The following PRRC2C variants were observed in gnomAD, a reference collection of about 807,000 sequenced individuals.
The protein encoded by PRRC2C is proline rich coiled-coil 2C.
In PRRC2C, 72 loss-of-function variants were observed where a neutral mutation model predicts 317.2. The observed-to-expected ratio is 0.23, with a 90% CI of 0.19 to 0.28. PRRC2C has a LOEUF of 0.28. Among genes scored for constraint, PRRC2C ranks in the 10% least tolerant of loss-of-function variants. The pLI is 1.00. For missense variants in PRRC2C, 3,074 were observed against 3,459.7 expected (o/e 0.89, Z 2.80); for synonymous variants, 1,296 against 1,205.9 (o/e 1.07, Z -1.55).
chr1:171,536,256 G>T lies in PRRC2C; in HGVS notation c.2271G>T (p.Met757Ile). The change falls in exon 14 of 35, where the codon ATG (methionine) becomes ATT (isoleucine). Residue 757 changes from methionine to isoleucine, a missense_variant. Transcript: ENST00000647382. ...GAATGATGTCAGGAAGACCTGCTAT[G>T]GATATTCCACCCATTCATCCTGGTC... ...DPRMMSGRPA[M>I]DIPPIHPGMI... The T allele has an allele frequency of 6.2e-7, 1 of 1,613,674 alleles. No individual in the cohort carries two copies. Among genetic ancestry groups the T allele is most frequent in the South Asian group, 1.1e-5 (1 of 90,950 alleles).
rs185285171 is a variant in PRRC2C, at chr1:171,512,903, G to T, written c.113-92G>T. On this transcript the variant is annotated intron_variant, in intron 2 of 34. Coordinates refer to ENST00000647382, the MANE Select transcript of PRRC2C (RefSeq NM_001387844.1). ...CATGAATGAAAATCATTCAGGGATT[G>T]CATTAATTCCTATTGTTTTTCTATA... 1.7e-5 allele frequency: 19 copies of T among 1,131,516 alleles called. No individual in the cohort carries two copies. In the Admixed American group the frequency reaches 3.4e-4, roughly 20 times the overall value. The allele number at this position is 1,131,516 out of a possible 1,614,324, so 70.1% of individuals were successfully genotyped here. A position where few individuals can be genotyped will look rare whatever the true frequency, so the allele number is the denominator to read the frequency against.
intron 10 of PRRC2C, among the ~76,000 whole-genome samples, chr1:171,526,029 G>A (rs1006752720): frequency 1.3e-5 from 2 of 152,052 alleles, no homozygotes; most frequent in African/African-American, 4.8e-5. Flanking sequence ...TAACTTTTTT[G>A]TGTGACTTTT....
rs780836726 is a variant in PRRC2C at position 171,566,825 on chromosome 1, A to T, written c.6540A>T (p.Glu2180Asp). ...CAATGATCTCGGTATCATCTGCAGAATATGGTACTAATGCAAAGGTAAGCC... is the reference window on the plus strand; with the variant it reads ...CAATGATCTCGGTATCATCTGCAGATTATGGTACTAATGCAAAGGTAAGCC... ...IGTMISVSSA[E>D]YGTNAKESVT... The change falls in exon 22 of 35, where the codon GAA (glutamate) becomes GAT (aspartate). Residue 2180 changes from glutamate to aspartate, a missense_variant. Glu to Asp is a conservative substitution (Grantham distance 45, BLOSUM62 2). This residue lies in a region of PRRC2C where 640 missense variants were observed against 676.1 expected (regional missense o/e 0.95). Coordinates refer to ENST00000647382, the MANE Select transcript of PRRC2C (RefSeq NM_001387844.1). 3.1e-6 allele frequency: 5 copies of T among 1,613,238 alleles called. No homozygotes were observed. In the Admixed American group the frequency reaches 6.7e-5, roughly 22 times the overall value.
At chr1:171,572,540 A>G (rs576837044) in intron 24 of PRRC2C, among the ~76,000 whole-genome samples, 1 of 152,128 alleles carries the variant, frequency 6.6e-6, no homozygotes, top group Non-Finnish European at 1.5e-5. Context: ...AGGCTTAACA[A>G]ATATAAGTTT....
chr1:171,518,840 A>G (rs1279099120), intron 6 of PRRC2C, among the ~76,000 whole-genome samples: 1 of 151,048 alleles, frequency 6.6e-6, no homozygotes, highest in Non-Finnish European at 1.5e-5. Context: ...AAACATGTAC[A>G]AAAATAAAGA....
In PRRC2C at chr1:171,577,771, A is replaced by ATTT. The variant is rs1553245738; in HGVS notation, c.7159+156_7159+158dup. 182 of 299,630 alleles carry ATTT rather than the reference A, an allele frequency of 6.1e-4. 1 individual carries two copies. Among genetic ancestry groups the ATTT allele is most frequent in the African/African-American group, 3.0e-3 (47 of 15,528 alleles). The allele number at this position is 299,630 out of a possible 1,614,324, so 18.6% of individuals were successfully genotyped here. A position where few individuals can be genotyped will look rare whatever the true frequency, so the allele number is the denominator to read the frequency against. On this transcript the variant is annotated intron_variant, in intron 26 of 34. Coordinates refer to ENST00000647382, the MANE Select transcript of PRRC2C (RefSeq NM_001387844.1). Reference sequence around the variant, plus strand: ...CATTGCTGTAAATATTTAAATTCGCATTTTTTTTTTTTTTTTTTTTTTTTG... The same window carrying ATTT: ...CATTGCTGTAAATATTTAAATTCGCATTTTTTTTTTTTTTTTTTTTTTTTTTTG...
At chr1:171,533,628 G>A (rs1362407671) in intron 12 of PRRC2C, among the ~76,000 whole-genome samples, 1 of 151,994 alleles carries the variant, frequency 6.6e-6, no homozygotes, top group Admixed American at 6.6e-5. Context: ...GGTGGTGGTG[G>A]TTGTTGTTGT....
rs771781896 is a variant in PRRC2C, at chr1:171,545,638, A to G, written c.4923A>G (p.Pro1641=). Residue 1641 remains proline (P), a synonymous_variant, in exon 17 of 35, where the codon CCA becomes CCG. Coordinates refer to ENST00000647382, the MANE Select transcript of PRRC2C (RefSeq NM_001387844.1). ...REDPKPGPKK[P]KEKVDALSQF... ...ACCCCAAACCAGGCCCTAAAAAACC[A>G]AAAGAGAAAGTGGATGCTCTATCAC... 14 of 1,613,356 alleles carry G rather than the reference A, an allele frequency of 8.7e-6. No homozygotes were observed. The highest frequency in any genetic ancestry group is 1.2e-5 in the Non-Finnish European group (14 of 1,179,564).
At chr1:171,518,973 C>T (rs1673036134) in intron 6 of PRRC2C, among the ~76,000 whole-genome samples, 1 of 151,380 alleles carries the variant, frequency 6.6e-6, no homozygotes, top group Non-Finnish European at 1.5e-5. Flanking sequence ...ACCTCTGCCT[C>T]CTAGGTTCAA....
chr1:171,529,340 A>G (rs187306126), intron 11 of PRRC2C, among the ~76,000 whole-genome samples: 1 of 152,268 alleles, frequency 6.6e-6, no homozygotes, highest in African/African-American at 2.4e-5. Flanking sequence ...CAATCAACTC[A>G]ACATCTCCAC....
At chr1:171,557,118 G>T in intron 18 of PRRC2C, 122 bp from the exon 19 acceptor site, 1 of 1,438,614 alleles carries the variant, frequency 7.0e-7, no homozygotes, top group Non-Finnish European at 9.1e-7. Context: ...ACATTTTGTG[G>T]TTTGAGTACC....
chr1:171,568,360 G>T (rs750564178), intron 23 of PRRC2C, 21 bp downstream of exon 23: 2 of 1,579,482 alleles, frequency 1.3e-6, no homozygotes, highest in South Asian at 1.2e-5. Flanking sequence ...AGTTTGAGAT[G>T]TGGCAAGTTT....
rs369655089 is a variant in PRRC2C, at chr1:171,566,307, T to G, written c.6192T>G (p.Asn2064Lys). The change falls in exon 21 of 35, where the codon AAT becomes AAG. Residue 2064 changes from asparagine (N) to lysine (K), a missense_variant. Physicochemically the swap from Asn to Lys is moderately conservative, Grantham distance 94. Coordinates refer to ENST00000647382, the MANE Select transcript of PRRC2C (RefSeq NM_001387844.1). ...DTIQFGAPASNGNENEVVPVL... is the reference protein window; with the variant it reads ...DTIQFGAPASKGNENEVVPVL... Reference sequence around the variant, plus strand: ...TTCAGTTTGGTGCTCCAGCCTCAAATGGAAATGAAAATGAAGTTGTTCCTG... The same window carrying G: ...TTCAGTTTGGTGCTCCAGCCTCAAAGGGAAATGAAAATGAAGTTGTTCCTG... 2.5e-5 allele frequency: 40 copies of G among 1,608,864 alleles called. No homozygotes were observed. The highest frequency in any genetic ancestry group is 3.3e-5 in the Non-Finnish European group (39 of 1,177,614).
At position 171,541,915 on chromosome 1, in the gene PRRC2C, A is replaced by C. The variant is rs752346282; in HGVS notation, c.4449A>C (p.Pro1483=). ...TLGDISGNKT[P]DLSNQNSSDQ... ...GGGATATTTCCGGGAATAAGACACC[A>C]GATTTATCTAATCAGAACTCTTCAG... The change falls in exon 16 of 35, where the codon CCA becomes CCC. Residue 1483 remains proline, a synonymous_variant. Coordinates refer to ENST00000647382, the MANE Select transcript of PRRC2C (RefSeq NM_001387844.1). This position sits in a 1 kb window ranked among gnomAD's most constrained non-coding sequence, Gnocchi z 4.1. 2 of 1,613,806 alleles carry C rather than the reference A, an allele frequency of 1.2e-6. No homozygotes were observed. The highest frequency in any genetic ancestry group is 2.7e-5 in the African/African-American group (2 of 74,948).
chr1:171,551,589 T>G (rs1680255986), intron 18 of PRRC2C, among the ~76,000 whole-genome samples: 1 of 152,204 alleles, frequency 6.6e-6, no homozygotes, highest in Non-Finnish European at 1.5e-5. Flanking sequence ...GTTTTTATCG[T>G]TTTAGGTCTA....
rs1676106961 is a variant in PRRC2C, at chr1:171,532,747, A to G, written c.1659A>G (p.Lys553=). ...AAGAGCTGGAGAAGGAGCAGGAAAA[A>G]CAAAGAGAAATGGAGAAAGAAAGAA... ...KEKELEKEQE[K]QREMEKERKQ... The change falls in exon 12 of 35, where the codon AAA becomes AAG. Residue 553 remains lysine (K), a synonymous_variant. Transcript: ENST00000647382. 6.5e-7 allele frequency: 1 copy of G among 1,538,506 alleles called. No individual in the cohort carries two copies. The highest frequency in any genetic ancestry group is 8.7e-7 in the Non-Finnish European group (1 of 1,144,264).
chr1:171,528,570 C>G (rs938872544), intron 11 of PRRC2C, among the ~76,000 whole-genome samples: 1 of 152,030 alleles, frequency 6.6e-6, no homozygotes, highest in Non-Finnish European at 1.5e-5. Flanking sequence ...GGATTACAGG[C>G]GTGAGCCACC....
intron 11 of PRRC2C, among the ~76,000 whole-genome samples, chr1:171,528,072 TTC>T (rs1245561912): frequency 2.0e-5 from 3 of 152,270 alleles, no homozygotes; most frequent in South Asian, 2.1e-4. Context: ...AACTTTTTTT[TTC>T]TCTCTCACTG....
chr1:171,523,833 C>T (rs773361678), intron 9 of PRRC2C, among the ~76,000 whole-genome samples: 1 of 151,968 alleles, frequency 6.6e-6, no homozygotes, highest in African/African-American at 2.4e-5. Context: ...GTCAGGAGTT[C>T]GAGACCAGCT....
Sources: allele counts gnomAD v4.1 joint callset (sites outside exome capture counted in the v4.1 genomes callset), GRCh38; gene constraint gnomAD v4.1.1; regional missense constraint gnomAD v4.1.1; non-coding constraint Gnocchi (gnomAD v3.1); transcripts MANE v1.5; gene names NCBI Gene and HGNC (gene_info 2026-07-23, HGNC 2026-07-21).